PRDM6: variants seen among roughly 807,000 people sequenced by gnomAD.
The protein encoded by PRDM6 is putative histone-lysine N-methyltransferase PRDM6.
Under a neutral mutation model 60.8 loss-of-function variants are expected in PRDM6, and 25 were observed. The observed-to-expected ratio is 0.41, with a 90% CI of 0.30 to 0.57. PRDM6 has a LOEUF of 0.57. Ranked by LOEUF, PRDM6 falls within the 20% of genes least tolerant of loss-of-function variation. The pLI is 0.27. For synonymous variants in PRDM6, 407 were observed against 357.4 expected (o/e 1.14, Z -1.57); for missense variants, 839 against 821.3 (o/e 1.02, Z -0.26).
intron 2 of PRDM6, among the ~76,000 whole-genome samples, chr5:123,095,090 A>T (rs1763927402): frequency 6.6e-6 from 1 of 152,166 alleles, no homozygotes; most frequent in African/African-American, 2.4e-5. Flanking sequence ...ACTGAAATCA[A>T]TTGGCTCCCC....
rs371946028 is a variant in PRDM6 at position 123,175,281 on chromosome 5, T to C, written c.1496+4173T>C. ...TTTTCCTTTCTCCTTTTTGACTGTT[T>C]GTGCCACATGGGGCAAGTCTGCCTT... is the stretch of plus-strand genomic sequence containing the variant. On this transcript the variant is annotated intron_variant, in intron 6 of 7. Coordinates refer to ENST00000407847, the MANE Select transcript of PRDM6 (RefSeq NM_001136239.4). Among the ~76,000 whole-genome samples the C allele has an allele frequency of 2.0e-5, 3 of 151,086 alleles. No homozygotes were observed. The East Asian group carries it at 5.8e-4, about 29-fold the overall frequency.
rs1267408761 is a variant in PRDM6 at position 123,192,767 on chromosome 5, G to A, written c.*5566G>A. 2.0e-5 allele frequency: 3 copies of A among 152,196 alleles called. No individual in the cohort carries two copies. The highest frequency in any genetic ancestry group is 7.2e-5 in the African/African-American group (3 of 41,444). 9.4% of individuals were successfully genotyped at this position (152,196 alleles called of 1,614,324 possible). On this transcript the variant is annotated 3_prime_UTR_variant, in exon 8 of 8. Transcript: ENST00000407847. ...CCTCAACGGGGCTAAGTGAAATCTC[G>A]TTTTCTTTCTTTGTTCTGACTGAAT...
At chr5:123,091,810 T>C (rs1301620994) in intron 2 of PRDM6, among the ~76,000 whole-genome samples, 1 of 152,250 alleles carries the variant, frequency 6.6e-6, no homozygotes, top group African/African-American at 2.4e-5. Context: ...AAAACATTTA[T>C]TTTTATTCAA....
At chr5:123,138,856 C>T (rs866757136) in intron 3 of PRDM6, among the ~76,000 whole-genome samples, 3 of 152,144 alleles carry the variant, frequency 2.0e-5, no homozygotes, top group South Asian at 2.1e-4. Context: ...ATGTTTCCTG[C>T]GCCTTCCGTT....
chr5:123,166,687 A>G (rs1475378020), intron 5 of PRDM6, among the ~76,000 whole-genome samples: 2 of 152,262 alleles, frequency 1.3e-5, no homozygotes, highest in Admixed American at 6.5e-5. Flanking sequence ...AGGGTCAGGC[A>G]TGTAATAGAT....
At chr5:123,161,387 G>A (rs115963359) in intron 5 of PRDM6, among the ~76,000 whole-genome samples, 2,110 of 152,310 alleles carry the variant, frequency 0.014, 60 homozygotes, top group African/African-American at 0.048. Flanking sequence ...AGATATATAA[G>A]TGAATAAATA....
At chr5:123,166,586 G>C (rs1234048368) in intron 5 of PRDM6, among the ~76,000 whole-genome samples, 2 of 152,178 alleles carry the variant, frequency 1.3e-5, no homozygotes, top group East Asian at 3.9e-4. Context: ...AAAAACATCA[G>C]CTTAATAACT....
rs138406807 is a variant in PRDM6, at chr5:123,170,867, G to A, written c.1255G>A (p.Val419Ile). The change falls in exon 6 of 8, where the codon GTT becomes ATT. Residue 419 changes from valine to isoleucine, a missense_variant. Physicochemically the swap from Val to Ile is conservative, Grantham distance 29. Transcript: ENST00000407847. ...CGCCCCTACCACCCAGCAGCGCTCC[G>A]TTGTTTTCCCCCAGACTCCGTGCAG... ...KLAPTTQQRSVVFPQTPCSRN... is the reference protein window; with the variant it reads ...KLAPTTQQRSIVFPQTPCSRN... 1,054 of 1,552,182 alleles carry A rather than the reference G, an allele frequency of 6.8e-4. 1 individual carries two copies. Among genetic ancestry groups the A allele is most frequent in the African/African-American group, 5.8e-3 (421 of 73,126 alleles).
chr5:123,129,081 T>C (rs1764761769), intron 3 of PRDM6, among the ~76,000 whole-genome samples: 1 of 152,198 alleles, frequency 6.6e-6, no homozygotes, highest in African/African-American at 2.4e-5. Context: ...TGTAGATGTG[T>C]AGTGTTATTT....
At chr5:123,098,050 G>T (rs1475982466) in intron 2 of PRDM6, among the ~76,000 whole-genome samples, 1 of 152,168 alleles carries the variant, frequency 6.6e-6, no homozygotes, top group African/African-American at 2.4e-5. Flanking sequence ...CAAATCGAGG[G>T]CTCCCTTACC....
Position 123,180,264 on chromosome 5 carries a change from T to C in PRDM6, c.1614T>C (p.Phe538=). ...PFKCGYCGRA[F]AGATTLNNHI... ...AGTGCGGCTACTGTGGTCGTGCCTT[T>C]GCCGGGGCCACCACCCTCAACAACC... The change falls in exon 7 of 8, where the codon TTT becomes TTC. Residue 538 remains phenylalanine, a synonymous_variant. Coordinates refer to ENST00000407847, the MANE Select transcript of PRDM6 (RefSeq NM_001136239.4). 1 of 1,551,800 alleles carries C rather than the reference T, an allele frequency of 6.4e-7. No homozygotes were observed. Among genetic ancestry groups the C allele is most frequent in the Non-Finnish European group, 8.7e-7 (1 of 1,147,012 alleles).
chr5:123,174,034 T>C (rs1392149249), intron 6 of PRDM6, among the ~76,000 whole-genome samples: 1 of 152,246 alleles, frequency 6.6e-6, no homozygotes, highest in Non-Finnish European at 1.5e-5. Context: ...TACTGCTGAA[T>C]ACAGGTTGAG....
chr5:123,104,348 A>G (rs563899869), intron 3 of PRDM6, among the ~76,000 whole-genome samples: 1 of 152,222 alleles, frequency 6.6e-6, no homozygotes, highest in Non-Finnish European at 1.5e-5. Context: ...TATATACAGT[A>G]CTATACCCAC....
In PRDM6 at chr5:123,090,173, G is replaced by GCCGCCGCCCCCGCCC; in HGVS notation, c.163_177dup (p.Pro55_Pro59dup). The GCCGCCGCCCCCGCCC allele has an allele frequency of 1.3e-6, 2 of 1,490,766 alleles. No homozygotes were observed. The highest frequency in any genetic ancestry group is 1.3e-5 in the South Asian group (1 of 77,526). The allele number at this position is 1,490,766 out of a possible 1,614,324, so 92.3% of individuals were successfully genotyped here. A position where few individuals can be genotyped will look rare whatever the true frequency, so the allele number is the denominator to read the frequency against. Reference sequence around the variant, plus strand: ...GCGCGCCGCAGCCTCTTCAGCCGCCGCCGCCGCCCCCGCCCCCGGAGCGCG... The same window carrying GCCGCCGCCCCCGCCC: ...GCGCGCCGCAGCCTCTTCAGCCGCCGCCGCCGCCCCCGCCCCCGCCGCCCCCGCCCCCGGAGCGCG... On this transcript the variant is annotated inframe_insertion, in exon 2 of 8. Transcript: ENST00000407847.
At chr5:123,130,149 TCCCTCCCCTC>T (rs1293303934) in intron 3 of PRDM6, among the ~76,000 whole-genome samples, 2 of 16,638 alleles carry the variant, frequency 1.2e-4, no homozygotes, top group East Asian at 1.3e-3. Flanking sequence ...CCTCTCCCCT[TCCCTCCCCTC>T]CCCTCCCCTC....
chr5:123,127,511 C>CT (rs2150221232), intron 3 of PRDM6, among the ~76,000 whole-genome samples: 1 of 152,294 alleles, frequency 6.6e-6, no homozygotes, highest in Admixed American at 6.5e-5. Flanking sequence ...GAATTGACTA[C>CT]TTTTTTGGGG....
chr5:123,107,453 A>G (rs773531314), intron 3 of PRDM6, among the ~76,000 whole-genome samples: 7 of 152,218 alleles, frequency 4.6e-5, no homozygotes, highest in Non-Finnish European at 1.0e-4. Flanking sequence ...GTGCTTTATC[A>G]CTAGCCACAA....
At chr5:123,116,803 A>G (rs541552274) in intron 3 of PRDM6, among the ~76,000 whole-genome samples, 21 of 152,340 alleles carry the variant, frequency 1.4e-4, no homozygotes, top group Non-Finnish European at 2.6e-4. Flanking sequence ...TGTATAATAG[A>G]CTGGGGAGAA....
intron 3 of PRDM6, among the ~76,000 whole-genome samples, chr5:123,141,230 A>G (rs1334185384): frequency 1.3e-5 from 2 of 152,020 alleles, no homozygotes; most frequent in Admixed American, 6.6e-5. Context: ...TTAAAAAGAA[A>G]TATGATGTGC....
Sources: allele counts gnomAD v4.1 joint callset (sites outside exome capture counted in the v4.1 genomes callset), GRCh38; gene constraint gnomAD v4.1.1; transcripts MANE v1.5; gene names NCBI Gene and HGNC (gene_info 2026-07-23, HGNC 2026-07-21).